Variants in PDGFD observed in about 807,000 individuals in gnomAD.
PDGFD encodes platelet derived growth factor D, also known as platelet-derived growth factor D.
PDGFD carries 30 observed loss-of-function variants against 44.7 expected under a neutral mutation model. The ratio of observed to expected loss-of-function variants is 0.67; its 90% CI spans 0.50 to 0.91. The LOEUF is 0.91. Ranked by LOEUF, PDGFD falls within the 40% of genes least tolerant of loss-of-function variation. The pLI, the probability that PDGFD is intolerant of heterozygous loss-of-function variation, is 0.00. For synonymous variants in PDGFD, 173 were observed against 168.4 expected (o/e 1.03, Z -0.21); for missense variants, 445 against 457.8 (o/e 0.97, Z 0.25).
chr11:103,947,660 A>G lies in PDGFD; in HGVS notation c.573+2T>C, dbSNP rs779324305. 1 of 1,611,948 alleles carries G rather than the reference A, an allele frequency of 6.2e-7. No individual in the cohort carries two copies. The highest frequency in any genetic ancestry group is 8.5e-7 in the Non-Finnish European group (1 of 1,178,298). ...CTGGCAACAGAGTAATAAATTACTT[A>G]CTGAAATAGAGCTTGTGACAGATTC... On this transcript the variant is annotated splice_donor_variant, in intron 4 of 6. Coordinates refer to ENST00000393158, the MANE Select transcript of PDGFD (RefSeq NM_025208.5). LOFTEE classifies it high-confidence loss of function.
chr11:104,075,743 G>C (rs1860947964), intron 1 of PDGFD, among the ~76,000 whole-genome samples: 1 of 151,974 alleles, frequency 6.6e-6, no homozygotes, highest in African/African-American at 2.4e-5. Flanking sequence ...ATTACCCCTG[G>C]TATCTGTCTC....
intron 1 of PDGFD, among the ~76,000 whole-genome samples, chr11:104,139,068 AG>A (rs1219820776): frequency 6.6e-6 from 1 of 152,166 alleles, no homozygotes; most frequent in Non-Finnish European, 1.5e-5. Context: ...GGCTGGGTAC[AG>A]TAAATATTAT....
At chr11:103,914,714 C>A (rs1858087944) in intron 6 of PDGFD, among the ~76,000 whole-genome samples, 1 of 152,102 alleles carries the variant, frequency 6.6e-6, no homozygotes, top group Non-Finnish European at 1.5e-5. Context: ...TACTGGCAAA[C>A]CAAATCCAGC....
intron 1 of PDGFD, among the ~76,000 whole-genome samples, chr11:104,098,767 C>T (rs990304533): frequency 9.9e-5 from 15 of 152,102 alleles, no homozygotes; most frequent in African/African-American, 2.9e-4. Flanking sequence ...ATTACCACCT[C>T]GGTCTCCCAA....
intron 4 of PDGFD, among the ~76,000 whole-genome samples, chr11:103,944,501 TAGAG>T (rs547530424): frequency 2.6e-5 from 4 of 152,104 alleles, no homozygotes; most frequent in Non-Finnish European, 5.9e-5. Context: ...AACAAGGAAA[TAGAG>T]AGCATACAGC....
At chr11:104,099,478 A>G (rs924275050) in intron 1 of PDGFD, among the ~76,000 whole-genome samples, 1 of 151,990 alleles carries the variant, frequency 6.6e-6, no homozygotes, top group Non-Finnish European at 1.5e-5. Flanking sequence ...TGTCTCTACA[A>G]AAAATTAGCC....
At chr11:104,139,032 G>T (rs1862047906) in intron 1 of PDGFD, among the ~76,000 whole-genome samples, 1 of 152,136 alleles carries the variant, frequency 6.6e-6, no homozygotes, top group Admixed American at 6.5e-5. Flanking sequence ...AAAGTACTGG[G>T]ATTACAGGCA....
At chr11:104,014,631 C>T (rs1859834483) in intron 1 of PDGFD, among the ~76,000 whole-genome samples, 1 of 152,130 alleles carries the variant, frequency 6.6e-6, no homozygotes, top group South Asian at 2.1e-4. Context: ...GCATTTAATA[C>T]ATCCTGAGAA....
chr11:103,999,753 A>C (rs1859590841), intron 2 of PDGFD, among the ~76,000 whole-genome samples: 1 of 152,080 alleles, frequency 6.6e-6, no homozygotes, highest in African/African-American at 2.4e-5. Flanking sequence ...CCTGTGCATA[A>C]ATGCTGCTCT....
At chr11:104,088,605 A>G (rs1861167796) in intron 1 of PDGFD, among the ~76,000 whole-genome samples, 1 of 152,188 alleles carries the variant, frequency 6.6e-6, no homozygotes, top group Admixed American at 6.6e-5. Flanking sequence ...GGCTATTACA[A>G]CTTGGGAGGA....
chr11:104,007,212 A>G (rs1453799352), intron 1 of PDGFD, among the ~76,000 whole-genome samples: 1 of 151,980 alleles, frequency 6.6e-6, no homozygotes, highest in South Asian at 2.1e-4. Context: ...TCTATTTCCG[A>G]CCTTGGAACC....
chr11:104,122,092 A>C (rs1861785649), intron 1 of PDGFD, among the ~76,000 whole-genome samples: 1 of 152,004 alleles, frequency 6.6e-6, no homozygotes, highest in Non-Finnish European at 1.5e-5. Flanking sequence ...TTTTAACAAA[A>C]AGCAGCCCCA....
At chr11:104,012,130 T>C (rs1280244006) in intron 1 of PDGFD, among the ~76,000 whole-genome samples, 1 of 152,166 alleles carries the variant, frequency 6.6e-6, no homozygotes, top group Admixed American at 6.5e-5. Flanking sequence ...TTACTTAACA[T>C]CTAGTGATAC....
intron 2 of PDGFD, among the ~76,000 whole-genome samples, chr11:103,998,023 A>T (rs1305694724): frequency 1.3e-5 from 2 of 152,154 alleles, no homozygotes; most frequent in South Asian, 2.1e-4. Flanking sequence ...CAAGGCCAGG[A>T]TGTCAAAAGG....
chr11:104,036,228 C>T (rs189503762), intron 1 of PDGFD, among the ~76,000 whole-genome samples: 3 of 151,982 alleles, frequency 2.0e-5, no homozygotes, highest in Middle Eastern at 3.4e-3. Context: ...TTGCTTGAGC[C>T]CAGGAGTTGG....
chr11:104,130,016 G>C (rs1488741169), intron 1 of PDGFD, among the ~76,000 whole-genome samples: 1 of 134,398 alleles, frequency 7.4e-6, no homozygotes, highest in African/African-American at 2.8e-5. Context: ...AAAAAAAAAG[G>C]AGCTAACAAG....
intron 1 of PDGFD, among the ~76,000 whole-genome samples, chr11:104,157,196 G>A (rs930003274): frequency 2.6e-5 from 4 of 152,170 alleles, no homozygotes; most frequent in Non-Finnish European, 5.9e-5. Flanking sequence ...GGGTACCTCA[G>A]GGATATCATG....
intron 1 of PDGFD, among the ~76,000 whole-genome samples, chr11:104,050,236 C>T (rs557569887): frequency 1.1e-3 from 168 of 152,052 alleles, no homozygotes; most frequent in African/African-American, 3.8e-3. Flanking sequence ...AGACAGCGCA[C>T]GTGGGTGTAA....
intron 1 of PDGFD, among the ~76,000 whole-genome samples, chr11:104,045,794 A>G (rs1391883875): frequency 1.4e-5 from 2 of 147,282 alleles, no homozygotes; most frequent in African/African-American, 4.9e-5. Flanking sequence ...CAATGAACAG[A>G]ATGTAAGGTA....
Sources: allele counts gnomAD v4.1 joint callset (sites outside exome capture counted in the v4.1 genomes callset), GRCh38; gene constraint gnomAD v4.1.1; transcripts MANE v1.5; gene names NCBI Gene and HGNC (gene_info 2026-07-23, HGNC 2026-07-21).